CARM1: variants seen among roughly 807,000 people sequenced by gnomAD.
CARM1 encodes the protein histone-arginine methyltransferase CARM1.
Under a neutral mutation model 72.7 loss-of-function variants are expected in CARM1, and 14 were observed. That is an observed-to-expected ratio of 0.19 (90% CI 0.13 to 0.30). CARM1 has a LOEUF of 0.30. Among genes scored for constraint, CARM1 ranks in the 10% least tolerant of loss-of-function variants. The probability of loss-of-function intolerance (pLI) is 1.00; values close to 1 mark genes in which losing one functional copy is unlikely to be tolerated. For synonymous variants in CARM1, 333 were observed against 345.5 expected (o/e 0.96, Z 0.40); for missense variants, 432 against 833.7 (o/e 0.52, Z 5.93).
intron 1 of CARM1, among the ~76,000 whole-genome samples, chr19:10,873,081 A>C (rs1217182405): frequency 6.6e-6 from 1 of 152,088 alleles, no homozygotes; most frequent in Non-Finnish European, 1.5e-5. Flanking sequence ...CTTGGACCAG[A>C]TGAGAGGGGA....
chr19:10,883,878 C>T (rs187026921), intron 1 of CARM1, among the ~76,000 whole-genome samples: 117 of 150,698 alleles, frequency 7.8e-4, no homozygotes, highest in African/African-American at 2.5e-3. Context: ...ATTAGCTGGG[C>T]GCGGTGGTGT....
At chr19:10,889,138 G>C (rs1425529385) in intron 1 of CARM1, among the ~76,000 whole-genome samples, 1 of 152,124 alleles carries the variant, frequency 6.6e-6, no homozygotes, top group Non-Finnish European at 1.5e-5. Flanking sequence ...GATCTGACCT[G>C]GCAGTCTGGG....
At chr19:10,917,215 A>G (rs1469574934) in intron 8 of CARM1, among the ~76,000 whole-genome samples, 2 of 152,184 alleles carry the variant, frequency 1.3e-5, no homozygotes, top group African/African-American at 4.8e-5. Flanking sequence ...AGCTAGGTGC[A>G]GTGGGTCACA....
At chr19:10,885,849 C>T (rs1039894391) in intron 1 of CARM1, among the ~76,000 whole-genome samples, 2 of 151,510 alleles carry the variant, frequency 1.3e-5, no homozygotes, top group African/African-American at 4.9e-5. Context: ...TCAGGACAGC[C>T]CCCCACAGGG....
At position 10,909,189 on chromosome 19, in the gene CARM1, C is replaced by T. The variant is rs1193330873; in HGVS notation, c.540C>T (p.His180=). Residue 180 remains histidine, a synonymous_variant, in exon 4 of 16, where the codon CAC becomes CAT. Coordinates refer to ENST00000327064, the MANE Select transcript of CARM1 (RefSeq NM_199141.2). The part of the protein sequence containing the change: ...GTYQRAILQN[H]TDFKDKIVLD... Reference sequence around the variant, plus strand: ...ACCAGCGCGCCATCCTGCAAAACCACACCGACTTCAAGGACAAGGTGAGTG... The same window carrying T: ...ACCAGCGCGCCATCCTGCAAAACCATACCGACTTCAAGGACAAGGTGAGTG... 1.9e-6 allele frequency: 3 copies of T among 1,613,010 alleles called. No homozygotes were observed. The highest frequency in any genetic ancestry group is 1.6e-4 in the Middle Eastern group (1 of 6,082).
Position 10,873,894 on chromosome 19 carries a change from C to T in CARM1, c.220+1972C>T, listed in dbSNP as rs543145165. Among the ~76,000 whole-genome samples, 49 of 152,102 alleles carry T rather than the reference C, an allele frequency of 3.2e-4. No homozygotes were observed. The South Asian group carries it at 1.0e-2, about 31-fold the overall frequency. On this transcript the variant is annotated intron_variant, in intron 1 of 15. Coordinates refer to ENST00000327064, the MANE Select transcript of CARM1 (RefSeq NM_199141.2). ...GACCTCGTGATCCACCCGCCTTGGC[C>T]TCCCAAAGTGCTGGGATTACAGGCA...
chr19:10,921,206 C>T, intron 14 of CARM1, 79 bp downstream of exon 14: 2 of 1,496,764 alleles, frequency 1.3e-6, no homozygotes, highest in Non-Finnish European at 1.9e-6. Flanking sequence ...CTGTGGTGAC[C>T]AGGGTCGGCC....
intron 1 of CARM1, among the ~76,000 whole-genome samples, chr19:10,876,905 C>T (rs750594688): frequency 3.3e-5 from 5 of 152,240 alleles, no homozygotes; most frequent in Non-Finnish European, 5.9e-5. Context: ...TTGGTCAGCA[C>T]GAGTCAGTGT....
intron 1 of CARM1, among the ~76,000 whole-genome samples, chr19:10,891,743 G>A (rs1039196365): frequency 6.6e-6 from 1 of 152,218 alleles, no homozygotes; most frequent in East Asian, 1.9e-4. Flanking sequence ...GTACAAGGGA[G>A]AAATTCAAGC....
chr19:10,905,862 A>G (rs991501042), intron 2 of CARM1, among the ~76,000 whole-genome samples: 5 of 151,220 alleles, frequency 3.3e-5, no homozygotes, highest in Admixed American at 3.3e-4. Flanking sequence ...GCTGGTCTTG[A>G]ACTCCTGGCC....
At chr19:10,883,709 A>G (rs1425275133) in intron 1 of CARM1, among the ~76,000 whole-genome samples, 1 of 152,170 alleles carries the variant, frequency 6.6e-6, no homozygotes, top group Admixed American at 6.5e-5. Context: ...ATGCGCCACC[A>G]CGGCTGGCTA....
chr19:10,921,558 C>G, intron 15 of CARM1, 57 bp from the exon 16 acceptor site: 2 of 1,577,896 alleles, frequency 1.3e-6, no homozygotes, highest in Non-Finnish European at 1.7e-6. Context: ...CTCTGTGACT[C>G]TGCCTGGGGG....
At chr19:10,909,950 A>G (rs1054003637) in intron 4 of CARM1, among the ~76,000 whole-genome samples, 5 of 152,192 alleles carry the variant, frequency 3.3e-5, no homozygotes, top group Admixed American at 1.3e-4. Context: ...TGAGCTGGGC[A>G]GAGTAGCTCA....
chr19:10,871,859 C>A lies in CARM1; in HGVS notation c.157C>A (p.Gln53Lys). Reference sequence around the variant, plus strand: ...CGGCGAGATCCAGCGGCACGCGGAGCAGCAGGCGCTGCGCCTCGAGGTGCG... The same window carrying A: ...CGGCGAGATCCAGCGGCACGCGGAGAAGCAGGCGCTGCGCCTCGAGGTGCG... ...ANGEIQRHAE[Q>K]QALRLEVRAG... is the part of the protein sequence containing the mutation. The change falls in exon 1 of 16, where the codon CAG (glutamine) becomes AAG (lysine). Residue 53 changes from glutamine to lysine, a missense_variant. Physicochemically the swap from Gln to Lys is moderately conservative, Grantham distance 53. This residue lies in a region of CARM1 where 138 missense variants were observed against 192.3 expected (regional missense o/e 0.72). Transcript: ENST00000327064. The surrounding 1 kb of genome is among the most constrained non-coding windows in gnomAD (Gnocchi z 5.6). 1.5e-6 allele frequency: 2 copies of A among 1,290,548 alleles called. No homozygotes were observed. The highest frequency in any genetic ancestry group is 2.0e-5 in the South Asian group (1 of 49,352). The allele number at this position is 1,290,548 out of a possible 1,614,324, so 79.9% of individuals were successfully genotyped here.
At chr19:10,875,023 GAAA>G (rs111550589) in intron 1 of CARM1, among the ~76,000 whole-genome samples, 4 of 128,008 alleles carry the variant, frequency 3.1e-5, no homozygotes, top group Admixed American at 8.0e-5. Flanking sequence ...GACCCTGTCT[GAAA>G]AAAAAAAAAA....
At position 10,896,651 on chromosome 19, in the gene CARM1, C is replaced by T. The variant is rs961955366; in HGVS notation, c.221-8300C>T. ...GGTCTGTCCCAGTAGCCTCCCAGGG[C>T]TCACCACACTGTCTGGGCCACCCCT... On this transcript the variant is annotated intron_variant, in intron 1 of 15. Transcript: ENST00000327064. This position sits in a 1 kb window ranked among gnomAD's most constrained non-coding sequence, Gnocchi z 5.2. Among the ~76,000 whole-genome samples the T allele has an allele frequency of 6.6e-6, 1 of 152,174 alleles. No homozygotes were observed. Among genetic ancestry groups the T allele is most frequent in the Non-Finnish European group, 1.5e-5 (1 of 68,024 alleles).
chr19:10,891,614 TG>T (rs557923856), intron 1 of CARM1, among the ~76,000 whole-genome samples: 3 of 152,128 alleles, frequency 2.0e-5, no homozygotes, highest in African/African-American at 7.2e-5. Context: ...AAAAGGATGT[TG>T]GGGGGGTGGT....
intron 1 of CARM1, among the ~76,000 whole-genome samples, chr19:10,885,236 G>A (rs1180284736): frequency 6.6e-6 from 1 of 152,216 alleles, no homozygotes; most frequent in Non-Finnish European, 1.5e-5. Flanking sequence ...AACAGGTCCA[G>A]ACTGGGTTTG....
Position 10,914,068 on chromosome 19 carries a change from G to C in CARM1, c.847+14G>C, listed in dbSNP as rs779707474. The C allele has an allele frequency of 6.2e-7, 1 of 1,605,428 alleles. No individual in the cohort carries two copies. The highest frequency in any genetic ancestry group is 1.1e-5 in the South Asian group (1 of 89,996). Reference sequence around the variant, plus strand: ...TGAAGCCCAGCGGTGAGCACTGGGGGGTACACAGGCCAGGCCCCTCGGTGG... The same window carrying C: ...TGAAGCCCAGCGGTGAGCACTGGGGCGTACACAGGCCAGGCCCCTCGGTGG... On this transcript the variant is annotated intron_variant, in intron 6 of 15. Coordinates refer to ENST00000327064, the MANE Select transcript of CARM1 (RefSeq NM_199141.2).
Sources: gnomAD v4.1 joint callset for allele counts (sites outside exome capture counted in the v4.1 genomes callset) on GRCh38, gnomAD v4.1.1 for gene constraint, gnomAD v4.1.1 regional missense constraint, Gnocchi (gnomAD v3.1) non-coding constraint, MANE v1.5 for transcripts, NCBI Gene and HGNC (gene_info 2026-07-23, HGNC 2026-07-21) for gene names.